The following DNAJA3 variants were observed in gnomAD, a reference collection of about 807,000 sequenced individuals.
DNAJA3 encodes the protein dnaJ homolog subfamily A member 3, mitochondrial.
A neutral mutation model predicts 54.9 loss-of-function variants in DNAJA3; 29 were observed. That is an observed-to-expected ratio of 0.53 (90% CI 0.39 to 0.72). The LOEUF (loss-of-function observed/expected upper bound fraction) is 0.72, where lower values mean the gene tolerates loss of function less well. DNAJA3 is among the 30% of genes least tolerant of loss of function. The probability of loss-of-function intolerance (pLI) is 0.00; values close to 1 mark genes in which losing one functional copy is unlikely to be tolerated. For synonymous variants in DNAJA3, 302 were observed against 251.4 expected, an observed-to-expected ratio of 1.20 and a Z score of -1.90; for missense variants, 708 against 639.4, an observed-to-expected ratio of 1.11 and a Z score of -1.16.
At position 4,426,098 on chromosome 16, in the gene DNAJA3, G is replaced by T. The variant is rs1301424514; in HGVS notation, c.211+6G>T. The T allele has an allele frequency of 3.2e-6, 5 of 1,561,282 alleles. No individual in the cohort carries two copies. Among genetic ancestry groups the T allele is most frequent in the Non-Finnish European group, 3.5e-6 (4 of 1,153,030 alleles). Reference sequence around the variant, plus strand: ...ACCTGGTGTCAGCCTTACAGGTGAGGGCAGGTTCCAACTTCCGAGTGGCGG... The same window carrying T: ...ACCTGGTGTCAGCCTTACAGGTGAGTGCAGGTTCCAACTTCCGAGTGGCGG... On this transcript the variant is annotated splice_donor_region_variant and intron_variant, in intron 1 of 11. Transcript: ENST00000262375.
chr16:4,449,545 A>G (rs2056951723), intron 9 of DNAJA3: 1 of 151,842 alleles, frequency 6.6e-6, no homozygotes, highest in Non-Finnish European at 1.5e-5. Flanking sequence ...ACGCCCAGCT[A>G]ATTTTTGTAT....
chr16:4,442,489 C>A, intron 5 of DNAJA3, 69 bp downstream of exon 5: 1 of 1,472,398 alleles, frequency 6.8e-7, no homozygotes, highest in Non-Finnish European at 9.0e-7. Flanking sequence ...GGTTGTGGCA[C>A]TGCTCCCAGA....
Position 4,455,027 on chromosome 16 carries a change from G to C in DNAJA3, c.*13+100G>C, listed in dbSNP as rs922073567. On this transcript the variant is annotated intron_variant, in intron 11 of 11. Transcript: ENST00000262375. ...CAATATTGTGCCCCCACCCCCAGGA[G>C]TTGGAACAGGTGCCAGTCCAAGGTG... 31 of 797,224 alleles carry C rather than the reference G, an allele frequency of 3.9e-5. No individual in the cohort carries two copies. The Admixed American group carries it at 6.5e-4, about 17-fold the overall frequency. The allele number at this position is 797,224 out of a possible 1,614,324, so 49.4% of individuals were successfully genotyped here.
chr16:4,438,273 C>T (rs569855471), intron 3 of DNAJA3, among the ~76,000 whole-genome samples: 2 of 151,420 alleles, frequency 1.3e-5, no homozygotes, highest in East Asian at 3.9e-4. Flanking sequence ...GCTGAGATTG[C>T]GCCACTGCAC....
chr16:4,430,325 T>C (rs2056681078), intron 1 of DNAJA3, among the ~76,000 whole-genome samples: 1 of 151,854 alleles, frequency 6.6e-6, no homozygotes, highest in African/African-American at 2.4e-5. Context: ...CCCATTACTT[T>C]GGGAGGTGGG....
chr16:4,436,257 C>G (rs2056770978), intron 2 of DNAJA3, among the ~76,000 whole-genome samples: 1 of 152,140 alleles, frequency 6.6e-6, no homozygotes, highest in Non-Finnish European at 1.5e-5. Context: ...AATGGCCTGT[C>G]TCTTCCTGAG....
intron 11 of DNAJA3, 98 bp downstream of exon 11, chr16:4,455,025 G>A (rs978918565): frequency 3.6e-6 from 3 of 829,804 alleles, no homozygotes; most frequent in Non-Finnish European, 5.9e-6. Flanking sequence ...CCACCCCCAG[G>A]AGTTGGAACA....
rs1021348593 is a variant in DNAJA3 at position 4,456,297 on chromosome 16, C to G, written c.*765C>G. The G allele has an allele frequency of 2.6e-5, 4 of 152,400 alleles. No individual in the cohort carries two copies. The highest frequency in any genetic ancestry group is 4.8e-5 in the African/African-American group (2 of 41,446). 9.4% of individuals were successfully genotyped at this position (152,400 alleles called of 1,614,324 possible). A position where few individuals can be genotyped will look rare whatever the true frequency, so the allele number is the denominator to read the frequency against. ...AAGCCAGGCATGGAGGGCTCCTGCC[C>G]TTCTGCTGAGCCACAGCCCATTGCA... On this transcript the variant is annotated 3_prime_UTR_variant, in exon 12 of 12. Coordinates refer to ENST00000262375, the MANE Select transcript of DNAJA3 (RefSeq NM_005147.6).
intron 10 of DNAJA3, 70 bp downstream of exon 10, chr16:4,450,567 G>T: frequency 8.1e-7 from 1 of 1,233,110 alleles, no homozygotes; most frequent in South Asian, 1.4e-5. Flanking sequence ...GACAATTCAG[G>T]GCAGCATGTT....
chr16:4,448,396 T>G (rs1027490343), intron 8 of DNAJA3, among the ~76,000 whole-genome samples: 2 of 151,392 alleles, frequency 1.3e-5, no homozygotes, highest in Non-Finnish European at 2.9e-5. Flanking sequence ...AGAGCTGGAG[T>G]GCAATGGCAC....
intron 1 of DNAJA3, among the ~76,000 whole-genome samples, chr16:4,432,651 C>T (rs939115550): frequency 3.3e-5 from 5 of 152,058 alleles, no homozygotes; most frequent in Non-Finnish European, 5.9e-5. Flanking sequence ...CCGGCTTATT[C>T]ACTTTTTAAA....
At chr16:4,442,904 T>C in intron 5 of DNAJA3, 113 bp from the exon 6 acceptor site, 2 of 1,222,448 alleles carry the variant, frequency 1.6e-6, no homozygotes, top group East Asian at 2.4e-5. Flanking sequence ...TGAGTGCACA[T>C]GCACATAAAA....
At chr16:4,454,966 C>T (rs987817339) in intron 11 of DNAJA3, 39 bp downstream of exon 11, 3 of 1,360,988 alleles carry the variant, frequency 2.2e-6, no homozygotes, top group African/African-American at 2.9e-5. Flanking sequence ...CTTTGTTTTC[C>T]TCTGTGAACT....
At chr16:4,427,320 C>T (rs949629023) in intron 1 of DNAJA3, 4 of 152,140 alleles carry the variant, frequency 2.6e-5, no homozygotes, top group East Asian at 1.9e-4. Flanking sequence ...GGTATTTAAG[C>T]TATCTATAAA....
In DNAJA3 at chr16:4,443,060, G is replaced by A; in HGVS notation, c.827G>A (p.Arg276Lys). The change falls in exon 6 of 12, where the codon AGG becomes AAG. Residue 276 changes from arginine (R) to lysine (K), a missense_variant. Coordinates refer to ENST00000262375, the MANE Select transcript of DNAJA3 (RefSeq NM_005147.6). ...CCTTTTGTGATGCGTTCCACGTGTA[G>A]GAGATGTGGTGGCCGCGGCTCCATC... Reference protein sequence around the residue: ...TGPFVMRSTCRRCGGRGSIII... With the variant: ...TGPFVMRSTCKRCGGRGSIII... 1 of 1,614,080 alleles carries A rather than the reference G, an allele frequency of 6.2e-7. No homozygotes were observed. Among genetic ancestry groups the A allele is most frequent in the Non-Finnish European group, 8.5e-7 (1 of 1,180,014 alleles).
chr16:4,427,733 A>G (rs1185008619), intron 1 of DNAJA3, among the ~76,000 whole-genome samples: 2 of 152,342 alleles, frequency 1.3e-5, no homozygotes, highest in Admixed American at 6.5e-5. Context: ...CAGAGGCACA[A>G]TTACAACTCA....
chr16:4,449,511 C>G (rs563156174), intron 9 of DNAJA3: 5 of 152,380 alleles, frequency 3.3e-5, no homozygotes, highest in African/African-American at 1.2e-4. Flanking sequence ...TCCCGAGTAG[C>G]TGGGACTACA....
chr16:4,429,027 T>C (rs1489986324), intron 1 of DNAJA3, among the ~76,000 whole-genome samples: 2 of 151,112 alleles, frequency 1.3e-5, no homozygotes, highest in East Asian at 3.9e-4. Context: ...TAGCTGGGAC[T>C]ACAGGCACCT....
intron 4 of DNAJA3, among the ~76,000 whole-genome samples, 171 bp from the exon 5 acceptor site, chr16:4,442,097 C>T (rs146299791): frequency 1.3e-3 from 197 of 152,214 alleles, no homozygotes; most frequent in African/African-American, 4.4e-3. Flanking sequence ...AAGAGTAGGG[C>T]AGAATTCGTT....
Sources: allele counts gnomAD v4.1 joint callset (sites outside exome capture counted in the v4.1 genomes callset), GRCh38; gene constraint gnomAD v4.1.1; transcripts MANE v1.5; gene names NCBI Gene and HGNC (gene_info 2026-07-23, HGNC 2026-07-21).